ITGBL1: variants seen among roughly 807,000 people sequenced by gnomAD.
ITGBL1 encodes the protein integrin subunit beta like 1, also known as integrin beta-like protein 1.
In ITGBL1, 51 loss-of-function variants were observed where a neutral mutation model predicts 68.5. The ratio of observed to expected loss-of-function variants is 0.74; its 90% CI spans 0.59 to 0.94. The LOEUF (loss-of-function observed/expected upper bound fraction) is 0.94. ITGBL1 is among the 40% of genes least tolerant of loss of function. The pLI is 0.00. For missense variants in ITGBL1, 649 were observed against 647.4 expected (o/e 1.00, Z -0.03); for synonymous variants, 209 against 227.3 (o/e 0.92, Z 0.72).
chr13:101,710,028 G>A (rs1418118010), intron 9 of ITGBL1, among the ~76,000 whole-genome samples: 1 of 152,182 alleles, frequency 6.6e-6, no homozygotes, highest in Non-Finnish European at 1.5e-5. Context: ...TGACTCAAAG[G>A]CATTTCCTGA....
At chr13:101,566,581 C>G (rs1042012155) in intron 2 of ITGBL1, among the ~76,000 whole-genome samples, 15 of 152,224 alleles carry the variant, frequency 9.9e-5, no homozygotes, top group Admixed American at 2.6e-4. Flanking sequence ...AAGTCACAGC[C>G]AATCACAGAT....
intron 2 of ITGBL1, among the ~76,000 whole-genome samples, chr13:101,484,528 A>G (rs1389082592): frequency 6.6e-6 from 1 of 152,200 alleles, no homozygotes; most frequent in African/African-American, 2.4e-5. Context: ...CACATCACAG[A>G]AGAAAAAACG....
At chr13:101,513,836 G>A (rs1310087244) in intron 2 of ITGBL1, among the ~76,000 whole-genome samples, 3 of 152,030 alleles carry the variant, frequency 2.0e-5, no homozygotes, top group Non-Finnish European at 2.9e-5. Flanking sequence ...CTAGATTTAA[G>A]TGATCTTGGA....
intron 2 of ITGBL1, among the ~76,000 whole-genome samples, chr13:101,511,397 A>C (rs2049113656): frequency 6.6e-6 from 1 of 152,102 alleles, no homozygotes. Flanking sequence ...GTGGAACCTG[A>C]GACTTGCCTT....
rs142670840 is a variant in ITGBL1 at position 101,536,954 on chromosome 13, G to A, written c.317-30745G>A. 1.4e-3 allele frequency among the ~76,000 whole-genome samples: 219 copies of A among 152,052 alleles called. 1 individual carries two copies. Among genetic ancestry groups the A allele is most frequent in the African/African-American group, 5.1e-3 (211 of 41,528 alleles). ...AACTTTTAATACATAGATATTCTTT[G>A]CTTATCTCTACTTTGAGAAGGATGC... is the stretch of plus-strand genomic sequence containing the variant. On this transcript the variant is annotated intron_variant, in intron 2 of 10. Coordinates refer to ENST00000376180, the MANE Select transcript of ITGBL1 (RefSeq NM_004791.3).
chr13:101,598,067 T>A, intron 6 of ITGBL1, 86 bp from the exon 7 acceptor site: 1 of 1,243,090 alleles, frequency 8.0e-7, no homozygotes, highest in Non-Finnish European at 1.1e-6. Flanking sequence ...CTGACTCATT[T>A]GTGACATTTG....
At chr13:101,660,265 G>C (rs1195658229) in intron 7 of ITGBL1, among the ~76,000 whole-genome samples, 3 of 152,266 alleles carry the variant, frequency 2.0e-5, no homozygotes, top group African/African-American at 7.2e-5. Context: ...TTGGTGGATA[G>C]GGGCCCAGGG....
At chr13:101,616,919 A>T (rs571309481) in intron 7 of ITGBL1, among the ~76,000 whole-genome samples, 2 of 152,190 alleles carry the variant, frequency 1.3e-5, no homozygotes, top group African/African-American at 2.4e-5. Flanking sequence ...ACCCCAGAGG[A>T]TGGTTAGGTA....
chr13:101,498,128 T>A (rs2048884388), intron 2 of ITGBL1, among the ~76,000 whole-genome samples: 1 of 152,130 alleles, frequency 6.6e-6, no homozygotes, highest in African/African-American at 2.4e-5. Flanking sequence ...TTTGTTGCAC[T>A]TTTTCTTTTT....
chr13:101,631,899 C>T (rs2139410306), intron 7 of ITGBL1, among the ~76,000 whole-genome samples: 1 of 152,162 alleles, frequency 6.6e-6, no homozygotes, highest in African/African-American at 2.4e-5. Flanking sequence ...AATGAATGGA[C>T]CTCTTCCACA....
At chr13:101,595,896 A>G (rs1219489834) in intron 6 of ITGBL1, among the ~76,000 whole-genome samples, 1 of 152,222 alleles carries the variant, frequency 6.6e-6, no homozygotes, top group African/African-American at 2.4e-5. Flanking sequence ...TCCCATGGTC[A>G]CTGCAGCATT....
chr13:101,469,815 T>C (rs1476480596), intron 2 of ITGBL1, among the ~76,000 whole-genome samples: 1 of 152,224 alleles, frequency 6.6e-6, no homozygotes, highest in Non-Finnish European at 1.5e-5. Context: ...AATCTTTTCC[T>C]TGGGAAAACT....
At chr13:101,627,247 T>C (rs184872763) in intron 7 of ITGBL1, among the ~76,000 whole-genome samples, 1 of 152,296 alleles carries the variant, frequency 6.6e-6, no homozygotes, top group African/African-American at 2.4e-5. Flanking sequence ...CCACAGACCA[T>C]AGCTTGTAGA....
intron 2 of ITGBL1, among the ~76,000 whole-genome samples, chr13:101,516,605 T>G (rs2049199373): frequency 6.6e-6 from 1 of 152,202 alleles, no homozygotes; most frequent in African/African-American, 2.4e-5. Flanking sequence ...TGATAGTGAC[T>G]GGATATTATC....
At chr13:101,540,863 A>G (rs931722644) in intron 2 of ITGBL1, among the ~76,000 whole-genome samples, 35 of 143,550 alleles carry the variant, frequency 2.4e-4, no homozygotes, top group African/African-American at 4.6e-4. Flanking sequence ...TTTGTCTGTT[A>G]TTGGTGTATA....
intron 7 of ITGBL1, among the ~76,000 whole-genome samples, chr13:101,623,851 A>G (rs1188599194): frequency 6.6e-6 from 1 of 152,206 alleles, no homozygotes; most frequent in African/African-American, 2.4e-5. Context: ...TTTTTTGGGT[A>G]TACCTTCTGG....
rs528492153 is a variant in ITGBL1 at position 101,452,729 on chromosome 13, G to A, written c.-105G>A. The stretch of plus-strand genomic sequence containing the variant: ...TGCAAGCCTGGGTGTCCGTGGGTCC[G>A]TCTGCCCAGCCATCTGCTGGTGGCA... On this transcript the variant is annotated 5_prime_UTR_variant, in exon 1 of 11. Transcript: ENST00000376180. 13 of 876,474 alleles carry A rather than the reference G, an allele frequency of 1.5e-5. No homozygotes were observed. The highest frequency in any genetic ancestry group is 2.1e-5 in the Non-Finnish European group (11 of 524,550). 54.3% of individuals were successfully genotyped at this position (876,474 alleles called of 1,614,324 possible). A position where few individuals can be genotyped will look rare whatever the true frequency, so the allele number is the denominator to read the frequency against.
chr13:101,458,069 T>A (rs557083609), intron 2 of ITGBL1, among the ~76,000 whole-genome samples: 1 of 152,314 alleles, frequency 6.6e-6, no homozygotes, highest in East Asian at 1.9e-4. Context: ...GCATATTTTC[T>A]AGGCTCTGTC....
chr13:101,558,591 C>G (rs376204660), intron 2 of ITGBL1, among the ~76,000 whole-genome samples: 42 of 152,264 alleles, frequency 2.8e-4, no homozygotes, highest in African/African-American at 9.6e-4. Context: ...CTCAGGACAC[C>G]TGAGATATGC....
Sources: gnomAD v4.1 joint callset for allele counts (sites outside exome capture counted in the v4.1 genomes callset) on GRCh38, gnomAD v4.1.1 for gene constraint, MANE v1.5 for transcripts, NCBI Gene and HGNC (gene_info 2026-07-23, HGNC 2026-07-21) for gene names.